Variants in MKLN1 observed in about 807,000 individuals in gnomAD.
MKLN1 encodes muskelin.
Under a neutral mutation model 99.0 loss-of-function variants are expected in MKLN1, and 18 were observed. The observed-to-expected ratio is 0.18, with a 90% CI of 0.13 to 0.27. The LOEUF is 0.27. Among genes scored for constraint, MKLN1 ranks in the 10% least tolerant of loss-of-function variants. The probability of loss-of-function intolerance (pLI) is 1.00; values close to 1 mark genes in which losing one functional copy is unlikely to be tolerated. For missense variants in MKLN1, 621 were observed against 875.9 expected, an observed-to-expected ratio of 0.71 and a Z score of 3.67; for synonymous variants, 288 against 293.2, an observed-to-expected ratio of 0.98 and a Z score of 0.18.
At chr7:131,175,030 A>AGATG (rs66786066) in intron 2 of MKLN1, among the ~76,000 whole-genome samples, 2,720 of 148,330 alleles carry the variant, frequency 0.018, 34 homozygotes, top group Non-Finnish European at 0.022. Context: ...ATAGATAGGC[A>AGATG]GATGGATGGA....
chr7:131,389,572 G>A (rs986068069), intron 4 of MKLN1, among the ~76,000 whole-genome samples: 3 of 151,818 alleles, frequency 2.0e-5, no homozygotes, highest in Non-Finnish European at 2.9e-5. Context: ...TATTTATTTA[G>A]CAAGTATTTT....
rs1042327907 is a variant in MKLN1 at position 131,480,034 on chromosome 7, A to C, written c.2086+1357A>C. ...AGACTCCATCTCAAAAAAAAAAAAA[A>C]AAAAAAATACCAAGACTGTAATAAA... On this transcript the variant is annotated intron_variant, in intron 17 of 17. Transcript: ENST00000352689. Among the ~76,000 whole-genome samples, 8 of 150,710 alleles carry C rather than the reference A, an allele frequency of 5.3e-5. No individual in the cohort carries two copies. The East Asian group carries it at 7.8e-4, about 15-fold the overall frequency.
chr7:131,321,750 T>C (rs6943490), intron 3 of MKLN1, among the ~76,000 whole-genome samples: 3,449 of 152,308 alleles, frequency 0.023, 146 homozygotes, highest in African/African-American at 0.079. Context: ...ATCAAGGTTA[T>C]GACTTAACCA....
intron 2 of MKLN1, among the ~76,000 whole-genome samples, chr7:131,376,051 AAAT>A (rs1287922685): frequency 6.8e-6 from 1 of 147,064 alleles, no homozygotes; most frequent in Non-Finnish European, 1.5e-5. Flanking sequence ...GCAAATGGGT[AAAT>A]AATACTTACT....
At chr7:131,358,641 C>T (rs1799946305) in intron 1 of MKLN1, among the ~76,000 whole-genome samples, 1 of 152,096 alleles carries the variant, frequency 6.6e-6, no homozygotes, top group African/African-American at 2.4e-5. Flanking sequence ...TAGAATTCAC[C>T]AGTGAAACCA....
At position 131,412,966 on chromosome 7, in the gene MKLN1, C is replaced by A. The variant is rs533592423; in HGVS notation, c.781+1583C>A. On this transcript the variant is annotated intron_variant, in intron 7 of 17. Transcript: ENST00000352689. ...TATCAGTCATGTATGAGGTAATTTT[C>A]TTCAAAGACACACATATTATAGCAA... Among the ~76,000 whole-genome samples the A allele has an allele frequency of 2.0e-5, 3 of 152,268 alleles. No homozygotes were observed. In the South Asian group the frequency reaches 6.2e-4, roughly 32 times the overall value.
chr7:131,410,630 C>G (rs1223107572), intron 6 of MKLN1, among the ~76,000 whole-genome samples: 1 of 151,950 alleles, frequency 6.6e-6, no homozygotes, highest in Non-Finnish European at 1.5e-5. Flanking sequence ...AGTACTGGCA[C>G]AAAGCACTGT....
chr7:131,206,763 C>A (rs1796818189), intron 3 of MKLN1, among the ~76,000 whole-genome samples: 2 of 151,942 alleles, frequency 1.3e-5, no homozygotes, highest in African/African-American at 4.8e-5. Context: ...GCTATGTTTT[C>A]CCGGCTGGTC....
chr7:131,207,732 T>C lies in MKLN1; in HGVS notation c.-179+4758T>C, dbSNP rs138527685. On this transcript the variant is annotated intron_variant, in intron 3 of 7. Coordinates refer to the MKLN1 transcript ENST00000416992. ...AAGCCTGGGCCCACAGAGGGTCACC[T>C]TGGGATTGCAAAGGTCTGGAAAAGG... is the stretch of plus-strand genomic sequence containing the variant. Among the ~76,000 whole-genome samples the C allele has an allele frequency of 4.0e-3, 610 of 152,218 alleles. 7 individuals are homozygous for C. The highest frequency in any genetic ancestry group is 0.014 in the African/African-American group (574 of 41,554).
chr7:131,160,173 T>C (rs1396508464), intron 2 of MKLN1, among the ~76,000 whole-genome samples: 1 of 152,212 alleles, frequency 6.6e-6, no homozygotes, highest in East Asian at 1.9e-4. Flanking sequence ...AATCATGTAA[T>C]ATGTGGCCTT....
At chr7:131,464,619 T>C (rs1288175197) in intron 14 of MKLN1, among the ~76,000 whole-genome samples, 1 of 152,248 alleles carries the variant, frequency 6.6e-6, no homozygotes, top group Non-Finnish European at 1.5e-5. Context: ...CTTGGTACTT[T>C]TCCTTTTTTG....
intron 2 of MKLN1, among the ~76,000 whole-genome samples, chr7:131,196,402 G>A (rs1563249098): frequency 1.3e-5 from 2 of 152,136 alleles, no homozygotes; most frequent in South Asian, 4.1e-4. Context: ...TCATCAAAGC[G>A]AATGTGTCTG....
At chr7:131,264,623 T>C (rs530241647) in intron 3 of MKLN1, among the ~76,000 whole-genome samples, 3 of 152,268 alleles carry the variant, frequency 2.0e-5, no homozygotes, top group Admixed American at 2.0e-4. Context: ...GGTTGCCCTA[T>C]ATTTTTGGGT....
chr7:131,220,680 C>A (rs918147328), intron 3 of MKLN1, among the ~76,000 whole-genome samples: 1 of 152,102 alleles, frequency 6.6e-6, no homozygotes, highest in Non-Finnish European at 1.5e-5. Context: ...TCATGCTGAT[C>A]CTCTTCCTCT....
At chr7:131,327,304 T>TGAA (rs1387040498), upstream of MKLN1, 1 of 152,266 alleles carries the variant, frequency 6.6e-6, no homozygotes, top group Non-Finnish European at 1.5e-5. Context: ...ATGTTTACAA[T>TGAA]GAAGGGCATC....
At chr7:131,454,106 C>A (rs1796264505) in intron 12 of MKLN1, among the ~76,000 whole-genome samples, 2 of 144,630 alleles carry the variant, frequency 1.4e-5, no homozygotes, top group Non-Finnish European at 1.5e-5. Flanking sequence ...TGTTAAAATA[C>A]AAAAAATATA....
At chr7:131,362,715 T>G (rs1477018030) in intron 1 of MKLN1, among the ~76,000 whole-genome samples, 1 of 152,078 alleles carries the variant, frequency 6.6e-6, no homozygotes, top group East Asian at 1.9e-4. Context: ...CTGGGCTATT[T>G]TAGCGGTATC....
intron 3 of MKLN1, among the ~76,000 whole-genome samples, chr7:131,259,566 C>T (rs1797704513): frequency 6.6e-6 from 1 of 152,040 alleles, no homozygotes; most frequent in Non-Finnish European, 1.5e-5. Flanking sequence ...TTTTTGTTAG[C>T]TAAACAATTT....
Position 131,478,616 on chromosome 7 carries a change from T to TTTTTA in MKLN1, c.2032-7_2032-6insTTTTA. On this transcript the variant is annotated splice_region_variant and splice_polypyrimidine_tract_variant and intron_variant, in intron 16 of 17. Transcript: ENST00000352689. ...GCTTCTTTTTTTTTTTTTTTTTTTT[T>TTTTTA]AAACAGTTTCAGCTCCTGGCATCAG... 8 of 1,411,342 alleles carry TTTTTA rather than the reference T, an allele frequency of 5.7e-6. No individual in the cohort carries two copies. The highest frequency in any genetic ancestry group is 5.5e-5 in the Admixed American group (2 of 36,266). The allele number at this position is 1,411,342 out of a possible 1,614,324, so 87.4% of individuals were successfully genotyped here.
Sources: gnomAD v4.1 joint callset for allele counts (sites outside exome capture counted in the v4.1 genomes callset) on GRCh38, gnomAD v4.1.1 for gene constraint, MANE v1.5 for transcripts, NCBI Gene and HGNC (gene_info 2026-07-23, HGNC 2026-07-21) for gene names.